MSRA: variants seen among roughly 807,000 people sequenced by gnomAD.
The protein encoded by MSRA is mitochondrial peptide methionine sulfoxide reductase.
In MSRA, 54 loss-of-function variants were observed where a neutral mutation model predicts 31.3. The observed-to-expected ratio is 1.73, with a 90% CI of 1.39 to 2.17. The LOEUF (loss-of-function observed/expected upper bound fraction) is 2.17. MSRA is among the 30% of genes most tolerant of loss of function. The pLI is 0.00. For synonymous variants in MSRA, 169 were observed against 116.5 expected (o/e 1.45, Z -2.90); for missense variants, 507 against 300.9 (o/e 1.69, Z -5.07).
rs140546228 is a variant in MSRA at position 10,233,734 on chromosome 8, G to T, written c.212-11370G>T. ...ACTGACATGTAAAGGGAGTTCTGGA[G>T]AAATAGAATTGCGAGAATAGTGGAG... On this transcript the variant is annotated intron_variant, in intron 2 of 5. Coordinates refer to ENST00000317173, the MANE Select transcript of MSRA (RefSeq NM_012331.5). Among the ~76,000 whole-genome samples the T allele has an allele frequency of 9.1e-3, 1,379 of 152,286 alleles. 21 individuals carry two copies. The highest frequency in any genetic ancestry group is 0.031 in the African/African-American group (1,307 of 41,568).
chr8:10,101,998 G>C (rs1446849688), intron 1 of MSRA, among the ~76,000 whole-genome samples: 1 of 151,984 alleles, frequency 6.6e-6, no homozygotes, highest in Admixed American at 6.6e-5. Context: ...TGAGAAATCT[G>C]CTGTCATTTG....
intron 5 of MSRA, 74 bp from the exon 6 acceptor site, chr8:10,428,074 C>A: frequency 1.3e-6 from 2 of 1,512,348 alleles, no homozygotes; most frequent in Admixed American, 2.2e-5. Flanking sequence ...GCAGCCCTGG[C>A]CCCTCAGTGC....
chr8:10,071,464 T>C (rs1445472350), intron 1 of MSRA, among the ~76,000 whole-genome samples: 5 of 151,034 alleles, frequency 3.3e-5, no homozygotes, highest in Admixed American at 6.6e-5. Flanking sequence ...TTTTCTTTTT[T>C]TTTTTTTTTT....
intron 1 of MSRA, among the ~76,000 whole-genome samples, chr8:10,152,656 CAT>C (rs987703794): frequency 1.3e-5 from 2 of 152,136 alleles, no homozygotes; most frequent in African/African-American, 2.4e-5. Context: ...CCCAAAAAAT[CAT>C]ATGAAGAAAG....
intron 3 of MSRA, among the ~76,000 whole-genome samples, chr8:10,273,893 G>A (rs534697480): frequency 1.3e-5 from 2 of 152,200 alleles, no homozygotes; most frequent in East Asian, 1.9e-4. Flanking sequence ...TCCTATCTGC[G>A]GATGAGGCAG....
chr8:10,075,267 A>C (rs1383509110), intron 1 of MSRA, among the ~76,000 whole-genome samples: 1 of 152,192 alleles, frequency 6.6e-6, no homozygotes, highest in African/African-American at 2.4e-5. Flanking sequence ...AGAATGATTG[A>C]GCTTATATTC....
At chr8:10,271,409 G>T (rs1799030589) in intron 3 of MSRA, among the ~76,000 whole-genome samples, 1 of 123,252 alleles carries the variant, frequency 8.1e-6, no homozygotes, top group African/African-American at 3.1e-5. Flanking sequence ...TAGAGTACAT[G>T]ACCAAATACG....
chr8:10,068,408 G>A (rs1797566931), intron 1 of MSRA, among the ~76,000 whole-genome samples: 1 of 152,164 alleles, frequency 6.6e-6, no homozygotes, highest in Non-Finnish European at 1.5e-5. Context: ...AGGTCACCTA[G>A]ATTTTCTCCT....
intron 1 of MSRA, among the ~76,000 whole-genome samples, chr8:10,144,014 G>T (rs191543999): frequency 1.3e-5 from 2 of 152,134 alleles, no homozygotes; most frequent in Admixed American, 6.5e-5. Context: ...CGTGAGGCTC[G>T]TGGGATGGTG....
intron 5 of MSRA, among the ~76,000 whole-genome samples, chr8:10,404,633 G>C (rs147272516): frequency 6.6e-6 from 1 of 152,250 alleles, no homozygotes; most frequent in Non-Finnish European, 1.5e-5. Flanking sequence ...GGGCTTGCTG[G>C]CAGGCTGTGC....
At chr8:10,266,199 A>G (rs1321189002) in intron 3 of MSRA, among the ~76,000 whole-genome samples, 2 of 152,172 alleles carry the variant, frequency 1.3e-5, no homozygotes, top group Non-Finnish European at 2.9e-5. Context: ...GTACCATTTT[A>G]TATTCCCATC....
intron 3 of MSRA, among the ~76,000 whole-genome samples, chr8:10,267,252 A>G (rs1448643695): frequency 6.6e-6 from 1 of 152,192 alleles, no homozygotes; most frequent in Non-Finnish European, 1.5e-5. Flanking sequence ...ATCCCAAACA[A>G]TGTGGAGCAC....
chr8:10,253,899 G>A (rs1024227500), intron 3 of MSRA, among the ~76,000 whole-genome samples: 5 of 151,896 alleles, frequency 3.3e-5, no homozygotes, highest in Non-Finnish European at 7.4e-5. Context: ...TCAATTACTG[G>A]CCCATCCATC....
At chr8:10,168,252 T>C (rs1456890733) in intron 1 of MSRA, among the ~76,000 whole-genome samples, 1 of 152,204 alleles carries the variant, frequency 6.6e-6, no homozygotes. Flanking sequence ...TATTACTTTA[T>C]TAATAATCTT....
At chr8:10,421,755 A>G (rs1808824591) in intron 5 of MSRA, among the ~76,000 whole-genome samples, 1 of 152,046 alleles carries the variant, frequency 6.6e-6, no homozygotes, top group South Asian at 2.1e-4. Flanking sequence ...GAGTCGCTGG[A>G]GCTGGAGACC....
At chr8:10,328,730 C>G (rs1252484206) in intron 5 of MSRA, among the ~76,000 whole-genome samples, 1 of 152,148 alleles carries the variant, frequency 6.6e-6, no homozygotes. Context: ...AAGATGTAGC[C>G]TATAATTCTT....
At chr8:10,259,568 C>G (rs538920128) in intron 3 of MSRA, among the ~76,000 whole-genome samples, 1 of 152,140 alleles carries the variant, frequency 6.6e-6, no homozygotes, top group Non-Finnish European at 1.5e-5. Context: ...CTCCCTTTCC[C>G]CATTCCCATT....
rs1802627353 is a variant in MSRA at position 10,140,697 on chromosome 8, T to TG, written c.143-67135dup. Reference sequence around the variant, plus strand: ...CACATTTTCTATCAGAAGTTACCAGTGCACAGGAAAAATGAGTCAAGATCA... The same window carrying TG: ...CACATTTTCTATCAGAAGTTACCAGTGGCACAGGAAAAATGAGTCAAGATCA... On this transcript the variant is annotated intron_variant, in intron 1 of 5. Transcript: ENST00000317173. Among the ~76,000 whole-genome samples, 3 of 152,208 alleles carry TG rather than the reference T, an allele frequency of 2.0e-5. No homozygotes were observed. In the South Asian group the frequency reaches 6.2e-4, roughly 32 times the overall value.
chr8:10,116,906 C>T lies in MSRA; in HGVS notation c.142+62248C>T, dbSNP rs146411931. The stretch of plus-strand genomic sequence containing the variant: ...GCTTGAACCTGGGAAGTGGAGGTTG[C>T]GGTGAGCCAAGATTGCGCCATTGCA... On this transcript the variant is annotated intron_variant, in intron 1 of 5. Coordinates refer to ENST00000317173, the MANE Select transcript of MSRA (RefSeq NM_012331.5). 3.2e-3 allele frequency among the ~76,000 whole-genome samples: 482 copies of T among 152,194 alleles called. 1 individual carries two copies. The highest frequency in any genetic ancestry group is 5.0e-3 in the Non-Finnish European group (343 of 68,002).
Sources: allele counts gnomAD v4.1 joint callset (sites outside exome capture counted in the v4.1 genomes callset), GRCh38; gene constraint gnomAD v4.1.1; transcripts MANE v1.5; gene names NCBI Gene and HGNC (gene_info 2026-07-23, HGNC 2026-07-21).